WHRN: variants seen among roughly 807,000 people sequenced by gnomAD.
WHRN encodes the protein CASK-interacting protein CIP98.
Under a neutral mutation model 68.3 loss-of-function variants are expected in WHRN, and 41 were observed. The observed-to-expected ratio is 0.60, with a 90% CI of 0.47 to 0.78. WHRN has a LOEUF of 0.78. Ranked by LOEUF, WHRN falls within the 30% of genes least tolerant of loss-of-function variation. The pLI, the probability that WHRN is intolerant of heterozygous loss-of-function variation, is 0.00. For missense variants in WHRN, 1,243 were observed against 1,244.7 expected (o/e 1.00, Z 0.02); for synonymous variants, 560 against 561.3 (o/e 1.00, Z 0.03).
At chr9:114,465,769 TG>T (rs1204598479) in intron 3 of WHRN, among the ~76,000 whole-genome samples, 1 of 152,152 alleles carries the variant, frequency 6.6e-6, no homozygotes, top group African/African-American at 2.4e-5. Flanking sequence ...CTGGAAAATG[TG>T]GGTAGTAATA....
At chr9:114,488,710 A>C (rs975395273) in intron 1 of WHRN, among the ~76,000 whole-genome samples, 1 of 152,082 alleles carries the variant, frequency 6.6e-6, no homozygotes, top group Non-Finnish European at 1.5e-5. Flanking sequence ...GGTGATGCGG[A>C]CTCTGCCCCA....
At chr9:114,440,869 T>C (rs1402787038) in intron 3 of WHRN, among the ~76,000 whole-genome samples, 1 of 152,220 alleles carries the variant, frequency 6.6e-6, no homozygotes, top group Non-Finnish European at 1.5e-5. Context: ...TCAACATATT[T>C]TGTGCACTAC....
At chr9:114,437,297 C>A (rs1837940905) in intron 3 of WHRN, among the ~76,000 whole-genome samples, 1 of 151,960 alleles carries the variant, frequency 6.6e-6, no homozygotes, top group African/African-American at 2.4e-5. Flanking sequence ...TATTTATAGG[C>A]ATTAAGAGAA....
At chr9:114,471,511 T>C (rs199997014) in intron 2 of WHRN, among the ~76,000 whole-genome samples, 1 of 152,216 alleles carries the variant, frequency 6.6e-6, no homozygotes, top group Non-Finnish European at 1.5e-5. Flanking sequence ...CCCTCACTCT[T>C]GGGCACCCTT....
At chr9:114,437,192 AG>A (rs1837933433) in intron 3 of WHRN, among the ~76,000 whole-genome samples, 1 of 152,202 alleles carries the variant, frequency 6.6e-6, no homozygotes, top group Non-Finnish European at 1.5e-5. Flanking sequence ...TTTAATATGC[AG>A]TAGTAGGATA....
chr9:114,485,266 G>A (rs1055823834), intron 1 of WHRN, among the ~76,000 whole-genome samples: 2 of 152,208 alleles, frequency 1.3e-5, no homozygotes, highest in South Asian at 2.1e-4. Flanking sequence ...CCTGCTCTTC[G>A]CAGCCGCACC....
chr9:114,444,017 T>C (rs1268672004), intron 3 of WHRN, among the ~76,000 whole-genome samples: 1 of 152,208 alleles, frequency 6.6e-6, no homozygotes, highest in African/African-American at 2.4e-5. Context: ...GAGAGCAGTA[T>C]GGGGTTTCCC....
intron 3 of WHRN, among the ~76,000 whole-genome samples, chr9:114,465,120 TC>T (rs1363529074): frequency 3.9e-5 from 6 of 152,152 alleles, no homozygotes; most frequent in Non-Finnish European, 8.8e-5. Context: ...AACCTAGTCT[TC>T]CCTACTGCAA....
At chr9:114,486,959 G>GTA (rs869241280) in intron 1 of WHRN, among the ~76,000 whole-genome samples, 1 of 5,032 alleles carries the variant, frequency 2.0e-4, no homozygotes. Flanking sequence ...GTGTGTGTGT[G>GTA]TATATATATA....
chr9:114,489,516 GCACACA>G (rs67518088), intron 1 of WHRN, among the ~76,000 whole-genome samples: 33,572 of 150,886 alleles, frequency 0.22, 4,556 homozygotes, highest in South Asian at 0.31. Context: ...ACACACGCGT[GCACACA>G]CACACACACA....
At chr9:114,455,913 T>TA (rs1419088164) in intron 3 of WHRN, among the ~76,000 whole-genome samples, 7 of 152,226 alleles carry the variant, frequency 4.6e-5, no homozygotes, top group African/African-American at 1.4e-4. Flanking sequence ...TCAGAACACT[T>TA]ACATTAGTCT....
chr9:114,438,653 C>CT (rs1554722603), intron 3 of WHRN, among the ~76,000 whole-genome samples: 4 of 151,960 alleles, frequency 2.6e-5, no homozygotes, highest in Non-Finnish European at 5.9e-5. Context: ...GGGGTTTCAC[C>CT]TGTTAGCCAG....
intron 11 of WHRN, 52 bp from the exon 12 acceptor site, chr9:114,402,988 G>A (rs1281084621): frequency 1.3e-6 from 2 of 1,575,904 alleles, no homozygotes; most frequent in Non-Finnish European, 1.7e-6. Context: ...GACAGGCCTG[G>A]CTTTGACCAC....
At chr9:114,417,656 C>G (rs1052342219) in intron 7 of WHRN, among the ~76,000 whole-genome samples, 4 of 152,152 alleles carry the variant, frequency 2.6e-5, no homozygotes, top group Admixed American at 6.5e-5. Flanking sequence ...GGTTGTTGTC[C>G]ACATTTTAGG....
chr9:114,457,884 C>T (rs1839937867), intron 3 of WHRN, among the ~76,000 whole-genome samples: 2 of 148,562 alleles, frequency 1.3e-5, no homozygotes, highest in Admixed American at 6.7e-5. Flanking sequence ...CCGCTGCACT[C>T]CAGCCTGGGC....
chr9:114,486,762 A>AAC (rs965773587), intron 1 of WHRN, among the ~76,000 whole-genome samples: 5 of 150,218 alleles, frequency 3.3e-5, no homozygotes, highest in East Asian at 3.9e-4. Context: ...GCCACCTGCC[A>AAC]ACAGTAACCT....
chr9:114,435,408 A>G (rs1837767093), intron 3 of WHRN, among the ~76,000 whole-genome samples: 1 of 152,228 alleles, frequency 6.6e-6, no homozygotes, highest in African/African-American at 2.4e-5. Context: ...AGGCCAGGGC[A>G]TGTAGGGAGG....
At chr9:114,422,269 T>C (rs1335744211) in intron 7 of WHRN, among the ~76,000 whole-genome samples, 1 of 152,120 alleles carries the variant, frequency 6.6e-6, no homozygotes, top group African/African-American at 2.4e-5. Context: ...TGCCTTTCCA[T>C]AGAAGAGTGG....
intron 2 of WHRN, among the ~76,000 whole-genome samples, chr9:114,474,662 GC>G (rs1483070941): frequency 6.6e-6 from 1 of 152,116 alleles, no homozygotes; most frequent in Non-Finnish European, 1.5e-5. Flanking sequence ...TCTCTAGTGG[GC>G]AGGACCTCCC....
Sources: allele counts gnomAD v4.1 joint callset (sites outside exome capture counted in the v4.1 genomes callset), GRCh38; gene constraint gnomAD v4.1.1; transcripts MANE v1.5; gene names NCBI Gene and HGNC (gene_info 2026-07-23, HGNC 2026-07-21).